The following SYCP2L variants were observed in gnomAD, a reference collection of about 807,000 sequenced individuals.
The protein encoded by SYCP2L is synaptonemal complex protein 2 like.
Under a neutral mutation model 125.8 loss-of-function variants are expected in SYCP2L, and 98 were observed. That is an observed-to-expected ratio of 0.78 (90% CI 0.66 to 0.92). The LOEUF (loss-of-function observed/expected upper bound fraction) is 0.92, where lower values mean the gene tolerates loss of function less well. Among genes scored for constraint, SYCP2L ranks in the 40% least tolerant of loss-of-function variants. The probability of loss-of-function intolerance (pLI) is 0.00; values close to 1 mark genes in which losing one functional copy is unlikely to be tolerated. For missense variants in SYCP2L, 842 were observed against 936.4 expected, an observed-to-expected ratio of 0.90 and a Z score of 1.32; for synonymous variants, 317 against 325.4, an observed-to-expected ratio of 0.97 and a Z score of 0.28.
intron 2 of SYCP2L, among the ~76,000 whole-genome samples, chr6:10,891,842 C>G (rs1377647242): frequency 6.6e-6 from 1 of 152,168 alleles, no homozygotes; most frequent in Non-Finnish European, 1.5e-5. Context: ...TTACCAATAT[C>G]CTAGTCTAAA....
At chr6:10,891,468 C>G in intron 1 of SYCP2L, 45 bp from the exon 2 acceptor site, 1 of 789,346 alleles carries the variant, frequency 1.3e-6, no homozygotes, top group Non-Finnish European at 1.7e-6. Context: ...AAATGCATTT[C>G]TTTGAAATAA....
intron 14 of SYCP2L, 39 bp from the exon 15 acceptor site, chr6:10,924,457 G>A (rs746976943): frequency 2.1e-6 from 3 of 1,448,892 alleles, no homozygotes; most frequent in Non-Finnish European, 2.7e-6. Context: ...AAACATTGAA[G>A]TATGTTGCTA....
chr6:10,958,974 C>G (rs1781551393), intron 26 of SYCP2L, 99 bp downstream of exon 26: 1 of 985,342 alleles, frequency 1.0e-6, no homozygotes, highest in Non-Finnish European at 1.6e-6. Context: ...GAGTTGGGGC[C>G]TGAGCAGATG....
chr6:10,888,226 A>T (rs1422455759), intron 1 of SYCP2L, among the ~76,000 whole-genome samples: 2 of 151,304 alleles, frequency 1.3e-5, no homozygotes, highest in Non-Finnish European at 2.9e-5. Flanking sequence ...CCTCCCGAGT[A>T]GCTGAGACTA....
rs926362265 is a variant in SYCP2L at position 10,912,436 on chromosome 6, C to A, written c.919-237C>A. Among the ~76,000 whole-genome samples the A allele has an allele frequency of 6.6e-6, 1 of 152,074 alleles. No individual in the cohort carries two copies. The highest frequency in any genetic ancestry group is 1.5e-5 in the Non-Finnish European group (1 of 68,012). ...AGAATAATGTGACACATTTAAATAT[C>A]TATCAAATATGCTAAGGATAGTGGG... On this transcript the variant is annotated intron_variant, in intron 12 of 29. Transcript: ENST00000283141. This position sits in a 1 kb window ranked among gnomAD's most constrained non-coding sequence, Gnocchi z 4.1.
intron 14 of SYCP2L, among the ~76,000 whole-genome samples, chr6:10,918,701 T>C (rs1780732349): frequency 6.6e-6 from 1 of 152,080 alleles, no homozygotes; most frequent in African/African-American, 2.4e-5. Context: ...CATACCCAGC[T>C]AATTTTTGTA....
Position 10,934,034 on chromosome 6 carries a change from T to A in SYCP2L, c.1684-1024T>A, listed in dbSNP as rs894710461. Reference sequence around the variant, plus strand: ...CATGCTGTAATAGAATAGAGGCAGGTAGAGCAGGAATGTTTAAATGAGTAG... The same window carrying A: ...CATGCTGTAATAGAATAGAGGCAGGAAGAGCAGGAATGTTTAAATGAGTAG... On this transcript the variant is annotated intron_variant, in intron 20 of 29. Coordinates refer to ENST00000283141, the MANE Select transcript of SYCP2L (RefSeq NM_001040274.3). 3.9e-5 allele frequency among the ~76,000 whole-genome samples: 6 copies of A among 152,290 alleles called. No homozygotes were observed. In the East Asian group the frequency reaches 1.2e-3, roughly 29 times the overall value.
chr6:10,930,577 A>AT (rs1780978387), intron 19 of SYCP2L, 63 bp downstream of exon 19: 1 of 1,524,092 alleles, frequency 6.6e-7, no homozygotes, highest in Non-Finnish European at 8.9e-7. Flanking sequence ...TCAGATATTT[A>AT]TTTTTCAGTA....
intron 21 of SYCP2L, among the ~76,000 whole-genome samples, chr6:10,938,550 T>C (rs75872959): frequency 0.016 from 2,468 of 152,302 alleles, 65 homozygotes; most frequent in African/African-American, 0.055. Flanking sequence ...CTGGAAGTCC[T>C]ACCCAGTTCT....
intron 21 of SYCP2L, 24 bp downstream of exon 21, chr6:10,935,211 C>T: frequency 6.2e-7 from 1 of 1,603,066 alleles, no homozygotes; most frequent in Non-Finnish European, 8.5e-7. Context: ...TGTTGACTTA[C>T]ATAGGAAAAA....
At position 10,942,487 on chromosome 6, in the gene SYCP2L, G is replaced by C; in HGVS notation, c.1842G>C (p.Glu614Asp). 6.3e-7 allele frequency: 1 copy of C among 1,599,284 alleles called. No individual in the cohort carries two copies. Among genetic ancestry groups the C allele is most frequent in the Non-Finnish European group, 8.5e-7 (1 of 1,175,668 alleles). Reference sequence around the variant, plus strand: ...TTCAAGATCCTCACTCACTGAGTGAGCTCTCTTCCTTGAAGCACTCAGAAG... The same window carrying C: ...TTCAAGATCCTCACTCACTGAGTGACCTCTCTTCCTTGAAGCACTCAGAAG... ...TELQDPHSLS[E>D]LSSLKHSEDE... Residue 614 changes from glutamate to aspartate, a missense_variant, in exon 22 of 30, where the codon GAG (glutamate) becomes GAC (aspartate). Glu to Asp is a conservative substitution (Grantham distance 45). Transcript: ENST00000283141.
chr6:10,973,869 A>G (rs946988882), intron 29 of SYCP2L, 83 bp from the exon 30 acceptor site: 3 of 152,250 alleles, frequency 2.0e-5, no homozygotes, highest in African/African-American at 7.2e-5. Flanking sequence ...TGATGCTCCT[A>G]TTGGCTCACA....
At chr6:10,895,770 G>A (rs1205966493) in intron 4 of SYCP2L, among the ~76,000 whole-genome samples, 1 of 152,066 alleles carries the variant, frequency 6.6e-6, no homozygotes, top group Non-Finnish European at 1.5e-5. Context: ...TTACAGGCGT[G>A]AGCTCCCGCG....
intron 29 of SYCP2L, among the ~76,000 whole-genome samples, chr6:10,970,508 A>C (rs1209799550): frequency 6.6e-6 from 1 of 152,168 alleles, no homozygotes; most frequent in Non-Finnish European, 1.5e-5. Flanking sequence ...TGATATGGGC[A>C]GTAGAGAAGG....
chr6:10,939,877 CAAAG>C lies in SYCP2L; in HGVS notation c.1814-2577_1814-2574del, dbSNP rs369275213. 8.7e-3 allele frequency among the ~76,000 whole-genome samples: 1,323 copies of C among 152,180 alleles called. 11 individuals carry two copies. The highest frequency in any genetic ancestry group is 0.025 in the South Asian group (119 of 4,818). On this transcript the variant is annotated intron_variant, in intron 21 of 29. Coordinates refer to ENST00000283141, the MANE Select transcript of SYCP2L (RefSeq NM_001040274.3). ...GTCATACTAAAAATCTTGTGCACAG[CAAAG>C]AAAGCAATCAATCAAATGGAAAGAC...
At chr6:10,963,553 A>G (rs1399445375) in intron 28 of SYCP2L, among the ~76,000 whole-genome samples, 2 of 152,218 alleles carry the variant, frequency 1.3e-5, no homozygotes, top group Non-Finnish European at 2.9e-5. Flanking sequence ...TGCCCATGAA[A>G]TACCTCTGCA....
rs555926221 is a variant in SYCP2L, at chr6:10,900,652, C to T, written c.466+1804C>T. On this transcript the variant is annotated intron_variant, in intron 6 of 29. Transcript: ENST00000283141. Reference sequence around the variant, plus strand: ...ACAGGCATGAGCCATCGCGCCTAGACGGAGCCAGAGCTCTTATAAGGGCAC... The same window carrying T: ...ACAGGCATGAGCCATCGCGCCTAGATGGAGCCAGAGCTCTTATAAGGGCAC... Among the ~76,000 whole-genome samples, 21 of 152,296 alleles carry T rather than the reference C, an allele frequency of 1.4e-4. No homozygotes were observed. In the East Asian group the frequency reaches 2.7e-3, roughly 20 times the overall value.
chr6:10,954,791 G>A lies in SYCP2L; in HGVS notation c.1955-325G>A, dbSNP rs1781471451. ...GGAAACCTTGCTGTCTTGCTATTTAGCTCAGAGCCCTGGAAGCGTTGCTTT... is the reference window on the plus strand; with the variant it reads ...GGAAACCTTGCTGTCTTGCTATTTAACTCAGAGCCCTGGAAGCGTTGCTTT... On this transcript the variant is annotated intron_variant, in intron 23 of 29. Transcript: ENST00000283141. The surrounding 1 kb of genome is among the most constrained non-coding windows in gnomAD (Gnocchi z 4.8). Among the ~76,000 whole-genome samples, 1 of 152,130 alleles carries A rather than the reference G, an allele frequency of 6.6e-6. No individual in the cohort carries two copies. Among genetic ancestry groups the A allele is most frequent in the African/African-American group, 2.4e-5 (1 of 41,416 alleles).
intron 14 of SYCP2L, among the ~76,000 whole-genome samples, chr6:10,923,143 C>T (rs1225758): frequency 0.98 from 149,666 of 152,138 alleles, 73,651 homozygotes; most frequent in East Asian, 1. Flanking sequence ...CCTCTTTTTT[C>T]CCCTTGTTTC....
Sources: allele counts gnomAD v4.1 joint callset (sites outside exome capture counted in the v4.1 genomes callset), GRCh38; gene constraint gnomAD v4.1.1; non-coding constraint Gnocchi (gnomAD v3.1); transcripts MANE v1.5; gene names NCBI Gene and HGNC (gene_info 2026-07-23, HGNC 2026-07-21).